Variants in KCNA6 observed in about 807,000 individuals in gnomAD.
KCNA6 encodes human brain potassium channel-2.
A neutral mutation model predicts 29.5 loss-of-function variants in KCNA6; 17 were observed. The observed-to-expected ratio is 0.58, with a 90% CI of 0.39 to 0.86. KCNA6 has a LOEUF of 0.86. Ranked by LOEUF, KCNA6 falls within the 40% of genes least tolerant of loss-of-function variation. The pLI, the probability that KCNA6 is intolerant of heterozygous loss-of-function variation, is 0.00. For synonymous variants in KCNA6, 296 were observed against 304.7 expected (o/e 0.97, Z 0.30); for missense variants, 450 against 703.4 (o/e 0.64, Z 4.07).
the KCNA6 span, among the ~76,000 whole-genome samples, chr12:4,850,026 G>C: frequency 1.3e-5 from 2 of 152,222 alleles, no homozygotes; most frequent in East Asian, 3.8e-4. This position sits in a 1 kb window ranked among gnomAD's most constrained non-coding sequence, Gnocchi z 5.4. Context: ...GTTAAACACA[G>C]GACTTCGGGC....
the KCNA6 span, chr12:4,850,734 G>T: frequency 5.1e-6 from 2 of 391,830 alleles, no homozygotes; most frequent in Non-Finnish European, 1.0e-5. The surrounding 1 kb of genome is among the most constrained non-coding windows in gnomAD (Gnocchi z 5.4). Context: ...TTCCTCCCTG[G>T]CAGGAAAAAT....
the KCNA6 span, among the ~76,000 whole-genome samples, chr12:4,818,815 G>A: frequency 4.0e-5 from 6 of 151,524 alleles, no homozygotes; most frequent in Admixed American, 3.3e-4. Flanking sequence ...CTGTGCTTTT[G>A]TTCCCTATGG....
At chr12:4,818,843 CA>C in the KCNA6 span, among the ~76,000 whole-genome samples, 1 of 139,590 alleles carries the variant, frequency 7.2e-6, no homozygotes, top group Admixed American at 7.0e-5. Context: ...AAAGTGCACA[CA>C]CACACACACA....
the KCNA6 span, among the ~76,000 whole-genome samples, chr12:4,833,673 C>T: frequency 2.0e-5 from 3 of 152,178 alleles, no homozygotes; most frequent in Non-Finnish European, 4.4e-5. Context: ...TCACAGATGG[C>T]AGCAGCAGTT....
At chr12:4,833,931 A>T in the KCNA6 span, among the ~76,000 whole-genome samples, 399 of 141,936 alleles carry the variant, frequency 2.8e-3, 5 homozygotes, top group African/African-American at 1.0e-2. Context: ...TTTAAATTAA[A>T]TTTTTTTTTT....
the KCNA6 span, among the ~76,000 whole-genome samples, chr12:4,830,185 G>A: frequency 1.3e-5 from 2 of 152,180 alleles, no homozygotes; most frequent in African/African-American, 4.8e-5. Flanking sequence ...CCACTTAACG[G>A]TTAGGTCATG....
At chr12:4,815,979 G>C (rs1794458822), downstream of KCNA6, among the ~76,000 whole-genome samples, 1 of 152,140 alleles carries the variant, frequency 6.6e-6, no homozygotes, top group South Asian at 2.1e-4. Flanking sequence ...CTGTGAAGCA[G>C]GATTGTGGTA....
At chr12:4,847,909 G>T in the KCNA6 span, among the ~76,000 whole-genome samples, 7 of 152,050 alleles carry the variant, frequency 4.6e-5, no homozygotes, top group Non-Finnish European at 8.8e-5. Context: ...TTTTTTCTTG[G>T]AATCCTTTGG....
the KCNA6 span, among the ~76,000 whole-genome samples, chr12:4,848,613 C>G: frequency 2.0e-5 from 3 of 152,046 alleles, no homozygotes; most frequent in Non-Finnish European, 4.4e-5. Context: ...CGGCTCACCG[C>G]AACCTCCGAC....
At chr12:4,814,802 G>A (rs146749078), downstream of KCNA6, 934 of 167,232 alleles carry the variant, frequency 5.6e-3, 7 homozygotes, top group Middle Eastern at 0.034. This position sits in a 1 kb window ranked among gnomAD's most constrained non-coding sequence, Gnocchi z 4.6. Flanking sequence ...TACTGGAGGG[G>A]AATTTTGGTT....
the KCNA6 span, among the ~76,000 whole-genome samples, chr12:4,835,934 GTTTTTTTTTTT>G: frequency 2.2e-5 from 3 of 137,200 alleles, no homozygotes; most frequent in East Asian, 2.2e-4. Flanking sequence ...AAAAGTCGCT[GTTTTTTTTTTT>G]TTTTTTTTTT....
the KCNA6 span, among the ~76,000 whole-genome samples, chr12:4,836,222 T>C: frequency 6.6e-6 from 1 of 152,106 alleles, no homozygotes; most frequent in Non-Finnish European, 1.5e-5. Flanking sequence ...GTGCTAGGAT[T>C]GCAGGCGCAA....
exon 1 of KCNA6, chr12:4,809,878 C>T (rs1946604271): frequency 3.9e-6 from 3 of 761,664 alleles, no homozygotes; most frequent in Non-Finnish European, 4.1e-6. Flanking sequence ...GGGACCAGGG[C>T]TTTAGGGCTC....
chr12:4,814,265 G>A (rs992005252), downstream of KCNA6: 2 of 167,178 alleles, frequency 1.2e-5, no homozygotes, highest in East Asian at 3.9e-4. This position sits in a 1 kb window ranked among gnomAD's most constrained non-coding sequence, Gnocchi z 4.6. Flanking sequence ...TCAAGCTGTC[G>A]AGGGGAGCCC....
At position 4,810,498 on chromosome 12, in the gene KCNA6, T is replaced by A. The variant is rs1946616406; in HGVS notation, c.457T>A (p.Ser153Thr). ...TGGCGAGGACGAGAAGCCGCTGCCC[T>A]CCCAGCCCTTCCAGCGCCAGGTGTG... The change falls in exon 1 of 1, where the codon TCC (serine) becomes ACC (threonine). Residue 153 changes from serine to threonine, a missense_variant. By Grantham distance (58) the Ser-to-Thr change is moderately conservative. Transcript: ENST00000280684. The surrounding 1 kb of genome is among the most constrained non-coding windows in gnomAD (Gnocchi z 7.5). 6.2e-7 allele frequency: 1 copy of A among 1,614,004 alleles called. No individual in the cohort carries two copies. The highest frequency in any genetic ancestry group is 1.1e-5 in the South Asian group (1 of 91,086).
chr12:4,832,633 A>C, the KCNA6 span, among the ~76,000 whole-genome samples: 1 of 152,146 alleles, frequency 6.6e-6, no homozygotes, highest in Non-Finnish European at 1.5e-5. Context: ...CTAAATCACC[A>C]CATCAGAATT....
Position 4,811,332 on chromosome 12 carries a change from A to G in KCNA6, c.1291A>G (p.Met431Val). The stretch of plus-strand genomic sequence containing the variant: ...GGTAGGTTACGGGGACATGTACCCC[A>G]TGACTGTGGGGGGAAAGATCGTGGG... Residue 431 changes from methionine (M) to valine (V), a missense_variant, in exon 1 of 1, where the codon ATG becomes GTG. Coordinates refer to ENST00000280684, the Ensembl canonical transcript of KCNA6. The surrounding 1 kb of genome is among the most constrained non-coding windows in gnomAD (Gnocchi z 7.1). 6.2e-7 allele frequency: 1 copy of G among 1,613,986 alleles called. No homozygotes were observed. The highest frequency in any genetic ancestry group is 8.5e-7 in the Non-Finnish European group (1 of 1,179,838).
downstream of KCNA6, chr12:4,813,514 TC>T (rs1248751291): frequency 1.8e-5 from 3 of 167,044 alleles, no homozygotes; most frequent in Non-Finnish European, 2.9e-5. Context: ...CCTAAATCCC[TC>T]CTTGGCCTCT....
chr12:4,815,701 CT>C (rs1946675044), downstream of KCNA6, among the ~76,000 whole-genome samples: 1 of 152,192 alleles, frequency 6.6e-6, no homozygotes, highest in Non-Finnish European at 1.5e-5. Context: ...TAGTATCTGG[CT>C]GTCTCTCTCG....
Sources: gnomAD v4.1 joint callset for allele counts (sites outside exome capture counted in the v4.1 genomes callset) on GRCh38, gnomAD v4.1.1 for gene constraint, Gnocchi (gnomAD v3.1) non-coding constraint, MANE v1.5 for transcripts, NCBI Gene and HGNC (gene_info 2026-07-23, HGNC 2026-07-21) for gene names.